RAPGEF1: variants seen among roughly 807,000 people sequenced by gnomAD.
RAPGEF1 encodes the protein CRK SH3-binding GNRP.
Under a neutral mutation model 143.3 loss-of-function variants are expected in RAPGEF1, and 33 were observed. That is an observed-to-expected ratio of 0.23 (90% confidence interval 0.17 to 0.31). RAPGEF1 has a LOEUF of 0.31. RAPGEF1 is among the 10% of genes least tolerant of loss of function. The pLI is 1.00. For synonymous variants in RAPGEF1, 629 were observed against 676.5 expected (o/e 0.93, Z 1.09); for missense variants, 1,199 against 1,645.4 (o/e 0.73, Z 4.69).
chr9:131,592,232 G>C (rs1340842823), intron 17 of RAPGEF1, 49 bp from the exon 18 acceptor site: 1 of 1,459,288 alleles, frequency 6.9e-7, no homozygotes, highest in Non-Finnish European at 9.6e-7. Flanking sequence ...CAGAGTGCTG[G>C]GGGGTGGTAG....
rs1589017949 is a variant in RAPGEF1, at chr9:131,689,824, C to T, written c.62-38875G>A. On this transcript the variant is annotated intron_variant, in intron 1 of 26. Transcript: ENST00000683357. Reference sequence around the variant, plus strand: ...AAGTGCTAGGATTACAGGCGCGAGCCACCGCGCTTGGCCAGTAACTTGAAA... The same window carrying T: ...AAGTGCTAGGATTACAGGCGCGAGCTACCGCGCTTGGCCAGTAACTTGAAA... Among the ~76,000 whole-genome samples, 5 of 152,352 alleles carry T rather than the reference C, an allele frequency of 3.3e-5. 1 individual carries two copies. In the South Asian group the frequency reaches 8.3e-4, roughly 25 times the overall value.
At chr9:131,696,734 A>G (rs1191481866) in intron 1 of RAPGEF1, among the ~76,000 whole-genome samples, 2 of 152,258 alleles carry the variant, frequency 1.3e-5, no homozygotes, top group African/African-American at 2.4e-5. Flanking sequence ...TGATAAATAC[A>G]AACTCAGTGA....
chr9:131,579,699 C>A, intron 26 of RAPGEF1, 52 bp from the exon 27 acceptor site: 2 of 1,582,794 alleles, frequency 1.3e-6, no homozygotes, highest in Non-Finnish European at 1.7e-6. Flanking sequence ...GGCTGGATGG[C>A]CCGATGGCGC....
At chr9:131,591,359 C>T (rs1166575139) in intron 18 of RAPGEF1, among the ~76,000 whole-genome samples, 1 of 152,320 alleles carries the variant, frequency 6.6e-6, no homozygotes, top group East Asian at 1.9e-4. Context: ...CAGATGGCAG[C>T]CGTGGGCTAT....
chr9:131,675,785 A>G lies in RAPGEF1; in HGVS notation c.62-24836T>C, dbSNP rs1832234689. On this transcript the variant is annotated intron_variant, in intron 1 of 26. Coordinates refer to ENST00000683357, the MANE Select transcript of RAPGEF1 (RefSeq NM_001377935.1). The surrounding 1 kb of genome is among the most constrained non-coding windows in gnomAD (Gnocchi z 4.6). Reference sequence around the variant, plus strand: ...GCACTTACTATACGCCAGCCCTGACAGGCAGACATTAATTGCCATTTTGCA... The same window carrying G: ...GCACTTACTATACGCCAGCCCTGACGGGCAGACATTAATTGCCATTTTGCA... 6.6e-6 allele frequency among the ~76,000 whole-genome samples: 1 copy of G among 152,264 alleles called. No individual in the cohort carries two copies. The highest frequency in any genetic ancestry group is 1.5e-5 in the Non-Finnish European group (1 of 68,048).
chr9:131,735,499 A>G (rs1241882320), intron 1 of RAPGEF1, among the ~76,000 whole-genome samples: 3 of 152,190 alleles, frequency 2.0e-5, no homozygotes, highest in Non-Finnish European at 4.4e-5. Context: ...GCAGCACGAC[A>G]TCTGCTGAGT....
intron 1 of RAPGEF1, among the ~76,000 whole-genome samples, chr9:131,668,764 G>A (rs144546695): frequency 2.0e-5 from 3 of 152,326 alleles, no homozygotes; most frequent in Non-Finnish European, 4.4e-5. Context: ...TTTATTTTCA[G>A]AGGCAAAATG....
intron 10 of RAPGEF1, among the ~76,000 whole-genome samples, chr9:131,623,281 T>A (rs1043185001): frequency 6.6e-6 from 1 of 151,918 alleles, no homozygotes; most frequent in African/African-American, 2.4e-5. Flanking sequence ...GGCAACATAG[T>A]GAGACCCCCG....
At chr9:131,648,179 C>A (rs1479561709) in intron 3 of RAPGEF1, among the ~76,000 whole-genome samples, 1 of 152,160 alleles carries the variant, frequency 6.6e-6, no homozygotes, top group East Asian at 1.9e-4. Context: ...CACTTGAGGT[C>A]AGGAGTTTGA....
chr9:131,603,676 C>A (rs1956636181), intron 14 of RAPGEF1, among the ~76,000 whole-genome samples: 1 of 152,178 alleles, frequency 6.6e-6, no homozygotes, highest in Non-Finnish European at 1.5e-5. Context: ...ACAGCCGGGG[C>A]CCGTGCCACG....
intron 1 of RAPGEF1, among the ~76,000 whole-genome samples, chr9:131,670,731 G>C (rs561333285): frequency 2.8e-4 from 42 of 152,170 alleles, no homozygotes; most frequent in Non-Finnish European, 5.6e-4. Flanking sequence ...TTGGGAGGTG[G>C]GATTATGGGT....
chr9:131,718,589 G>C (rs1439458404), intron 1 of RAPGEF1, among the ~76,000 whole-genome samples: 1 of 152,158 alleles, frequency 6.6e-6, no homozygotes, highest in East Asian at 1.9e-4. Flanking sequence ...CGAGGGACTG[G>C]ATGTGCGCTG....
intron 26 of RAPGEF1, among the ~76,000 whole-genome samples, chr9:131,580,047 G>A (rs72757695): frequency 0.029 from 4,390 of 152,326 alleles, 81 homozygotes; most frequent in Middle Eastern, 0.061. Context: ...CTGTCACGGG[G>A]TCCAGGCCCA....
At position 131,626,964 on chromosome 9, in the gene RAPGEF1, G is replaced by A. The variant is rs1189486676; in HGVS notation, c.1202-542C>T. Among the ~76,000 whole-genome samples the A allele has an allele frequency of 2.8e-5, 4 of 145,086 alleles. No individual in the cohort carries two copies. In the East Asian group the frequency reaches 6.1e-4, roughly 22 times the overall value. On this transcript the variant is annotated intron_variant, in intron 9 of 26. Coordinates refer to ENST00000683357, the MANE Select transcript of RAPGEF1 (RefSeq NM_001377935.1). ...AAAAATACAAAAATTGGCTGGGCAC[G>A]CTGGCCCACTTTGGGAGGCTGAGGT...
chr9:131,671,230 T>C (rs1831326746), intron 1 of RAPGEF1, among the ~76,000 whole-genome samples: 1 of 152,228 alleles, frequency 6.6e-6, no homozygotes. Flanking sequence ...CTAAGTCTCC[T>C]GGAATTGAAG....
At chr9:131,718,433 T>C (rs1344443800) in intron 1 of RAPGEF1, among the ~76,000 whole-genome samples, 1 of 151,990 alleles carries the variant, frequency 6.6e-6, no homozygotes, top group Non-Finnish European at 1.5e-5. Context: ...TGAATGGCTG[T>C]GAGTTGGGAG....
At chr9:131,714,120 G>A (rs962225741) in intron 1 of RAPGEF1, among the ~76,000 whole-genome samples, 2 of 151,966 alleles carry the variant, frequency 1.3e-5, no homozygotes, top group Non-Finnish European at 2.9e-5. Flanking sequence ...AGGCTCAAGT[G>A]ATCCTCCTGC....
At chr9:131,581,240 A>G (rs1951822860) in intron 25 of RAPGEF1, among the ~76,000 whole-genome samples, 1 of 152,096 alleles carries the variant, frequency 6.6e-6, no homozygotes, top group Non-Finnish European at 1.5e-5. Flanking sequence ...CAAAAAATAC[A>G]AAAATTAGCT....
At position 131,576,842 on chromosome 9, in the gene RAPGEF1, A is replaced by G. The variant is rs1178865746; in HGVS notation, c.*2655T>C. On this transcript the variant is annotated 3_prime_UTR_variant, in exon 27 of 27. Transcript: ENST00000683357. ...TTACATGTTTGAAATGTCTGCAGGA[A>G]GATGCCACCATCAGACAGGTTAGCT... The G allele has an allele frequency of 6.6e-6, 1 of 152,224 alleles. No homozygotes were observed. Among genetic ancestry groups the G allele is most frequent in the Non-Finnish European group, 1.5e-5 (1 of 68,042 alleles). The allele number at this position is 152,224 out of a possible 1,614,324, so 9.4% of individuals were successfully genotyped here.
Sources: gnomAD v4.1 joint callset for allele counts (sites outside exome capture counted in the v4.1 genomes callset) on GRCh38, gnomAD v4.1.1 for gene constraint, Gnocchi (gnomAD v3.1) non-coding constraint, MANE v1.5 for transcripts, NCBI Gene and HGNC (gene_info 2026-07-23, HGNC 2026-07-21) for gene names.